Variants in HES7 observed in about 807,000 individuals in gnomAD.
HES7 encodes the protein hes family bHLH transcription factor 7, also known as transcription factor HES-7.
HES7 carries 8 observed loss-of-function variants against 18.0 expected under a neutral mutation model. That is an observed-to-expected ratio of 0.45 (90% CI 0.26 to 0.80). The LOEUF is 0.80. HES7 is among the 30% of genes least tolerant of loss of function. The pLI is 0.18. For missense variants in HES7, 356 were observed against 340.9 expected, an observed-to-expected ratio of 1.04 and a Z score of -0.35; for synonymous variants, 170 against 158.6, an observed-to-expected ratio of 1.07 and a Z score of -0.54.
In HES7 at chr17:8,124,102, T is replaced by C. The variant is rs747409917; in HGVS notation, c.-18A>G. 7 of 1,613,876 alleles carry C rather than the reference T, an allele frequency of 4.3e-6. No individual in the cohort carries two copies. Among genetic ancestry groups the C allele is most frequent in the Non-Finnish European group, 5.9e-6 (7 of 1,180,022 alleles). ...GTGACCATTGCTCCTCCGGACCCTGTGTGGACCGGTTCCCTGCTCGCCTGG... is the reference window on the plus strand; with the variant it reads ...GTGACCATTGCTCCTCCGGACCCTGCGTGGACCGGTTCCCTGCTCGCCTGG... On this transcript the variant is annotated 5_prime_UTR_variant, in exon 1 of 4. Coordinates refer to ENST00000541682, the MANE Select transcript of HES7 (RefSeq NM_001165967.2).
In HES7 at chr17:8,122,036, G is replaced by T; in HGVS notation, c.228C>A (p.Ala76=). 3 of 1,502,198 alleles carry T rather than the reference G, an allele frequency of 2.0e-6. No homozygotes were observed. The highest frequency in any genetic ancestry group is 2.6e-6 in the Non-Finnish European group (3 of 1,134,518). 93.1% of individuals were successfully genotyped at this position (1,502,198 alleles called of 1,614,324 possible). A position where few individuals can be genotyped will look rare whatever the true frequency, so the allele number is the denominator to read the frequency against. ...LRERSRVEPP[A]AAAPGVPRSP... is the part of the protein sequence containing the mutation. The stretch of plus-strand genomic sequence containing the variant: ...ACCGGGGAACCCCTGGAGCCGCGGC[G>T]GCTGGTGCGGCCGGCGGGAGCACAG... Residue 76 remains alanine, a splice_region_variant and synonymous_variant, in exon 4 of 4, where the codon GCC becomes GCA. Transcript: ENST00000541682. The surrounding 1 kb of genome is among the most constrained non-coding windows in gnomAD (Gnocchi z 6.9).
chr17:8,122,165 G>T lies in HES7; in HGVS notation c.227-128C>A. On this transcript the variant is annotated intron_variant, in intron 3 of 3. Coordinates refer to ENST00000541682, the MANE Select transcript of HES7 (RefSeq NM_001165967.2). This position sits in a 1 kb window ranked among gnomAD's most constrained non-coding sequence, Gnocchi z 6.9. ...ACAGGAAGCCAGATGGACGGAAAGA[G>T]GGAGAAAATGAGGGAGACACAGAGA... 1 of 987,650 alleles carries T rather than the reference G, an allele frequency of 1.0e-6. No homozygotes were observed. Among genetic ancestry groups the T allele is most frequent in the Non-Finnish European group, 1.5e-6 (1 of 682,554 alleles). 61.2% of individuals were successfully genotyped at this position (987,650 alleles called of 1,614,324 possible).
At chr17:8,125,185 C>G (rs901582073), upstream of HES7, among the ~76,000 whole-genome samples, 5 of 152,298 alleles carry the variant, frequency 3.3e-5, no homozygotes, top group Non-Finnish European at 5.9e-5. Flanking sequence ...CTGAAGGGAA[C>G]AGCCAGGTTG....
upstream of HES7, among the ~76,000 whole-genome samples, chr17:8,125,897 A>T (rs959493073): frequency 6.6e-6 from 1 of 152,218 alleles, no homozygotes; most frequent in African/African-American, 2.4e-5. Context: ...TCACTTAAAT[A>T]TTTCTACCAA....
In HES7 at chr17:8,121,721, G is replaced by C; in HGVS notation, c.543C>G (p.Ser181=). The change falls in exon 4 of 4, where the codon TCC becomes TCG. Residue 181 remains serine (S), a synonymous_variant. Coordinates refer to ENST00000541682, the MANE Select transcript of HES7 (RefSeq NM_001165967.2). The stretch of plus-strand genomic sequence containing the variant: ...CGGCGCGCGGGGAGCAGAGGGATGG[G>C]GACCATGCGCAGCGCGGGCTAGGGT... ...QGHPSPRCAW[S]PSLCSPRAGD... The C allele has an allele frequency of 7.1e-7, 1 of 1,403,292 alleles. No individual in the cohort carries two copies. The highest frequency in any genetic ancestry group is 9.2e-7 in the Non-Finnish European group (1 of 1,089,420). 86.9% of individuals were successfully genotyped at this position (1,403,292 alleles called of 1,614,324 possible). A position where few individuals can be genotyped will look rare whatever the true frequency, so the allele number is the denominator to read the frequency against.
chr17:8,120,967 G>GC lies in HES7; in HGVS notation c.*603_*604insG, dbSNP rs772471054. On this transcript the variant is annotated 3_prime_UTR_variant, in exon 4 of 4. Transcript: ENST00000541682. ...GATAGCGCATTGGACTTCTAGTGAC[G>GC]AATAGAGCAATTCAAAGGTTGTGGG... The GC allele has an allele frequency of 1.3e-5, 2 of 152,722 alleles. No homozygotes were observed. Among genetic ancestry groups the GC allele is most frequent in the Non-Finnish European group, 1.5e-5 (1 of 68,062 alleles). 9.5% of individuals were successfully genotyped at this position (152,722 alleles called of 1,614,324 possible).
chr17:8,123,479 A>G lies in HES7; in HGVS notation c.43-353T>C. On this transcript the variant is annotated intron_variant, in intron 1 of 3. Coordinates refer to ENST00000541682, the MANE Select transcript of HES7 (RefSeq NM_001165967.2). This position sits in a 1 kb window ranked among gnomAD's most constrained non-coding sequence, Gnocchi z 5.9. ...CTCTGCGCGCACGCACGTGCGCCGCACGGTGCCGGGCTCAGACCTGGCGGC... is the reference window on the plus strand; with the variant it reads ...CTCTGCGCGCACGCACGTGCGCCGCGCGGTGCCGGGCTCAGACCTGGCGGC... 1 of 398,306 alleles carries G rather than the reference A, an allele frequency of 2.5e-6. No individual in the cohort carries two copies. Among genetic ancestry groups the G allele is most frequent in the Non-Finnish European group, 4.7e-6 (1 of 213,924 alleles). 24.7% of individuals were successfully genotyped at this position (398,306 alleles called of 1,614,324 possible).
upstream of HES7, among the ~76,000 whole-genome samples, chr17:8,125,007 C>T (rs1199228183): frequency 1.3e-5 from 2 of 152,046 alleles, no homozygotes; most frequent in African/African-American, 4.8e-5. Context: ...TTCTGGAGGC[C>T]CCTGGTGACT....
Position 8,122,988 on chromosome 17 carries a change from G to A in HES7, c.138+43C>T, listed in dbSNP as rs1454230626. The A allele has an allele frequency of 2.0e-6, 3 of 1,498,750 alleles. No individual in the cohort carries two copies. Among genetic ancestry groups the A allele is most frequent in the Admixed American group, 1.9e-5 (1 of 52,174 alleles). The allele number at this position is 1,498,750 out of a possible 1,614,324, so 92.8% of individuals were successfully genotyped here. On this transcript the variant is annotated intron_variant, in intron 2 of 3. Coordinates refer to ENST00000541682, the MANE Select transcript of HES7 (RefSeq NM_001165967.2). This position sits in a 1 kb window ranked among gnomAD's most constrained non-coding sequence, Gnocchi z 6.9. ...CCCCAGTGGGAAGCCCTGGGACGCGGAAACGGGAAGCTTGGGGACCTAGGG... is the reference window on the plus strand; with the variant it reads ...CCCCAGTGGGAAGCCCTGGGACGCGAAAACGGGAAGCTTGGGGACCTAGGG...
rs1981476477 is a variant in HES7 at position 8,123,644 on chromosome 17, T to A, written c.42+399A>T. 1 of 367,430 alleles carries A rather than the reference T, an allele frequency of 2.7e-6. No homozygotes were observed. Among genetic ancestry groups the A allele is most frequent in the Admixed American group, 4.4e-5 (1 of 22,972 alleles). 22.8% of individuals were successfully genotyped at this position (367,430 alleles called of 1,614,324 possible). The stretch of plus-strand genomic sequence containing the variant: ...CTCTGGAACCAACGCCCCGGGACCT[T>A]CTGTACAAGACCGCCTTGGGCCAGC... On this transcript the variant is annotated intron_variant, in intron 1 of 3. Coordinates refer to ENST00000541682, the MANE Select transcript of HES7 (RefSeq NM_001165967.2). This position sits in a 1 kb window ranked among gnomAD's most constrained non-coding sequence, Gnocchi z 5.9.
Position 8,123,150 on chromosome 17 carries a change from G to A in HES7, c.43-24C>T, listed in dbSNP as rs1284475299. ...ATCTGCGACCAGCGAGAAAAGGAGA[G>A]CGGGCCGACCAGACCGAGACTCAGT... is the stretch of plus-strand genomic sequence containing the variant. On this transcript the variant is annotated intron_variant, in intron 1 of 3. Coordinates refer to ENST00000541682, the MANE Select transcript of HES7 (RefSeq NM_001165967.2). This position sits in a 1 kb window ranked among gnomAD's most constrained non-coding sequence, Gnocchi z 5.9. The A allele has an allele frequency of 1.3e-6, 2 of 1,577,864 alleles. No homozygotes were observed. The highest frequency in any genetic ancestry group is 1.1e-5 in the South Asian group (1 of 87,632).
rs58755416 is a variant in HES7 at position 8,122,080 on chromosome 17, C to T, written c.227-43G>A. On this transcript the variant is annotated intron_variant, in intron 3 of 3. Coordinates refer to ENST00000541682, the MANE Select transcript of HES7 (RefSeq NM_001165967.2). The surrounding 1 kb of genome is among the most constrained non-coding windows in gnomAD (Gnocchi z 6.9). ...AGCACAGGTGGGCAGGGCAGGGGCC[C>T]GGCAGGGGTGAGGGAAGGGGCGGGG... is the stretch of plus-strand genomic sequence containing the variant. 2.1e-6 allele frequency: 3 copies of T among 1,451,470 alleles called. No individual in the cohort carries two copies. The highest frequency in any genetic ancestry group is 2.5e-5 in the Admixed American group (1 of 39,312). The allele number at this position is 1,451,470 out of a possible 1,614,324, so 89.9% of individuals were successfully genotyped here.
At position 8,120,964 on chromosome 17, in the gene HES7, G is replaced by A. The variant is rs949050119; in HGVS notation, c.*607C>T. ...ATGGATAGCGCATTGGACTTCTAGT[G>A]ACGAATAGAGCAATTCAAAGGTTGT... is the stretch of plus-strand genomic sequence containing the variant. On this transcript the variant is annotated 3_prime_UTR_variant, in exon 4 of 4. Coordinates refer to ENST00000541682, the MANE Select transcript of HES7 (RefSeq NM_001165967.2). 1.3e-5 allele frequency: 2 copies of A among 152,714 alleles called. No homozygotes were observed. Among genetic ancestry groups the A allele is most frequent in the South Asian group, 2.1e-4 (1 of 4,846 alleles). The allele number at this position is 152,714 out of a possible 1,614,324, so 9.5% of individuals were successfully genotyped here. A position where few individuals can be genotyped will look rare whatever the true frequency, so the allele number is the denominator to read the frequency against.
At chr17:8,124,135 T>A (rs377593611), upstream of HES7, 53 of 1,612,132 alleles carry the variant, frequency 3.3e-5, no homozygotes, top group Middle Eastern at 4.9e-4. Flanking sequence ...TGGAGCCTTA[T>A]ATTCCGCGGC....
Position 8,123,425 on chromosome 17 carries a change from C to G in HES7, c.43-299G>C. On this transcript the variant is annotated intron_variant, in intron 1 of 3. Transcript: ENST00000541682. This position sits in a 1 kb window ranked among gnomAD's most constrained non-coding sequence, Gnocchi z 5.9. ...TACGTCTCCGTCTGGTGCAGTTTCT[C>G]TTTGTCTCAGTGGAGAACTTTGGGG... 2.0e-6 allele frequency: 1 copy of G among 508,472 alleles called. No homozygotes were observed. The highest frequency in any genetic ancestry group is 2.2e-5 in the South Asian group (1 of 46,502). 31.5% of individuals were successfully genotyped at this position (508,472 alleles called of 1,614,324 possible). A position where few individuals can be genotyped will look rare whatever the true frequency, so the allele number is the denominator to read the frequency against.
In HES7 at chr17:8,124,062, T is replaced by G. The variant is rs766073916; in HGVS notation, c.23A>C (p.Glu8Ala). 1 of 1,613,998 alleles carries G rather than the reference T, an allele frequency of 6.2e-7. No individual in the cohort carries two copies. Among genetic ancestry groups the G allele is most frequent in the Non-Finnish European group, 8.5e-7 (1 of 1,180,024 alleles). Reference protein sequence around the residue: MVTRDRAENRDGPKMLKP... With the variant: MVTRDRAANRDGPKMLKP... ...TCTCACCTTGGGGCCGTCCCTATTC[T>G]CAGCTCGATCCCGGGTGACCATTGC... The change falls in exon 1 of 4, where the codon GAG becomes GCG. Residue 8 changes from glutamate (E) to alanine (A), a missense_variant. Coordinates refer to ENST00000541682, the MANE Select transcript of HES7 (RefSeq NM_001165967.2).
At chr17:8,124,115 C>T (rs1263780945), upstream of HES7, 5 of 1,613,688 alleles carry the variant, frequency 3.1e-6, no homozygotes, top group Non-Finnish European at 4.2e-6. Context: ...GGACCGGTTC[C>T]CTGCTCGCCT....
In HES7 at chr17:8,122,464, A is replaced by G. The variant is rs1347067545; in HGVS notation, c.139-34T>C. On this transcript the variant is annotated intron_variant, in intron 2 of 3. Coordinates refer to ENST00000541682, the MANE Select transcript of HES7 (RefSeq NM_001165967.2). The surrounding 1 kb of genome is among the most constrained non-coding windows in gnomAD (Gnocchi z 6.9). ...GGGAGGGGAGGGCGCAGAGACAGAA[A>G]GGGGTGGGGAGAAAGGGGGAAAGTG... 1.2e-5 allele frequency: 14 copies of G among 1,137,216 alleles called. No homozygotes were observed. In the African/African-American group the frequency reaches 1.6e-4, roughly 13 times the overall value. 70.4% of individuals were successfully genotyped at this position (1,137,216 alleles called of 1,614,324 possible).
At chr17:8,125,831 T>C (rs1206552830), upstream of HES7, among the ~76,000 whole-genome samples, 2 of 152,194 alleles carry the variant, frequency 1.3e-5, no homozygotes, top group Admixed American at 6.5e-5. Flanking sequence ...TACAGTTTTC[T>C]TTTCTCCCCT....
Sources: allele counts gnomAD v4.1 joint callset (sites outside exome capture counted in the v4.1 genomes callset), GRCh38; gene constraint gnomAD v4.1.1; non-coding constraint Gnocchi (gnomAD v3.1); transcripts MANE v1.5; gene names NCBI Gene and HGNC (gene_info 2026-07-23, HGNC 2026-07-21).